C12orf54: variants seen among roughly 807,000 people sequenced by gnomAD.
C12orf54 encodes the protein chromosome 12 open reading frame 54.
C12orf54 carries 24 observed loss-of-function variants against 26.4 expected under a neutral mutation model. That is an observed-to-expected ratio of 0.91 (90% confidence interval 0.66 to 1.28). C12orf54 has a LOEUF of 1.28. Among genes scored for constraint, C12orf54 ranks in the 50% most tolerant of loss-of-function variants. The pLI, the probability that C12orf54 is intolerant of heterozygous loss-of-function variation, is 0.00. For synonymous variants in C12orf54, 54 were observed against 47.0 expected (o/e 1.15, Z -0.61); for missense variants, 154 against 150.9 (o/e 1.02, Z -0.11).
the C12orf54 span, among the ~76,000 whole-genome samples, chr12:48,413,594 G>C: frequency 6.6e-6 from 1 of 152,190 alleles, no homozygotes; most frequent in East Asian, 1.9e-4. Flanking sequence ...TATCAAAGAT[G>C]TTCTTTTCCT....
intron 7 of C12orf54, among the ~76,000 whole-genome samples, chr12:48,493,991 G>A: frequency 6.7e-6 from 1 of 150,140 alleles, no homozygotes; most frequent in East Asian, 2.0e-4. Flanking sequence ...GGCCGAGGCA[G>A]GTGGATCACC....
the C12orf54 span, chr12:48,472,975 G>A: frequency 6.2e-7 from 1 of 1,614,106 alleles, no homozygotes; most frequent in Admixed American, 1.7e-5. Flanking sequence ...AAAGACCTCA[G>A]CACAATAGAG....
chr12:48,453,133 T>C, the C12orf54 span, among the ~76,000 whole-genome samples: 1 of 152,272 alleles, frequency 6.6e-6, no homozygotes, highest in East Asian at 1.9e-4. Flanking sequence ...ATGTGGTACA[T>C]ACATGATGGA....
At chr12:48,462,638 A>G in the C12orf54 span, among the ~76,000 whole-genome samples, 3 of 151,754 alleles carry the variant, frequency 2.0e-5, no homozygotes, top group East Asian at 3.8e-4. Flanking sequence ...AAAAATCTTA[A>G]TATGTACAGA....
At chr12:48,487,746 G>T in intron 4 of C12orf54, 1 of 299,272 alleles carries the variant, frequency 3.3e-6, no homozygotes, top group Non-Finnish European at 6.3e-6. Flanking sequence ...TATACAAATT[G>T]AAACTCCTAA....
At chr12:48,430,383 T>TA in the C12orf54 span, among the ~76,000 whole-genome samples, 1 of 152,060 alleles carries the variant, frequency 6.6e-6, no homozygotes, top group East Asian at 1.9e-4. Context: ...CAGAGTAGGA[T>TA]AAAATCTTCA....
chr12:48,423,185 C>T, the C12orf54 span, among the ~76,000 whole-genome samples: 3 of 151,980 alleles, frequency 2.0e-5, no homozygotes, highest in Admixed American at 6.6e-5. Context: ...ATGTAGACAA[C>T]GTACACTTGT....
intron 4 of C12orf54, chr12:48,488,282 A>C: frequency 1.7e-6 from 1 of 581,938 alleles, no homozygotes; most frequent in East Asian, 3.3e-5. Context: ...AGGATTAGCG[A>C]TCTGGAAGAC....
At chr12:48,463,362 A>G in the C12orf54 span, among the ~76,000 whole-genome samples, 1 of 152,020 alleles carries the variant, frequency 6.6e-6, no homozygotes, top group Admixed American at 6.6e-5. Context: ...CACCCTCCCA[A>G]GACTGAACCA....
the C12orf54 span, among the ~76,000 whole-genome samples, chr12:48,474,854 C>T: frequency 6.6e-6 from 1 of 152,252 alleles, no homozygotes; most frequent in Non-Finnish European, 1.5e-5. Context: ...CAGCAGTAAC[C>T]TCTGCAGACT....
chr12:48,418,938 A>C, the C12orf54 span, among the ~76,000 whole-genome samples: 1 of 152,010 alleles, frequency 6.6e-6, no homozygotes, highest in Non-Finnish European at 1.5e-5. Context: ...AAAAAAAAAA[A>C]AGCCTGAATC....
chr12:48,450,076 G>A, the C12orf54 span, among the ~76,000 whole-genome samples: 216 of 152,126 alleles, frequency 1.4e-3, no homozygotes, highest in African/African-American at 4.8e-3. Context: ...TTTCTTCCCC[G>A]TTTTGGGTAT....
At chr12:48,465,466 G>T in the C12orf54 span, among the ~76,000 whole-genome samples, 1 of 152,154 alleles carries the variant, frequency 6.6e-6, no homozygotes, top group South Asian at 2.1e-4. Flanking sequence ...CTATTGGTGG[G>T]AGTGTAAATT....
At chr12:48,462,416 A>C in the C12orf54 span, among the ~76,000 whole-genome samples, 4 of 151,636 alleles carry the variant, frequency 2.6e-5, no homozygotes, top group African/African-American at 9.7e-5. Flanking sequence ...TATGATGCCA[A>C]AAATCGGACT....
the C12orf54 span, among the ~76,000 whole-genome samples, chr12:48,467,978 G>T: frequency 6.6e-6 from 1 of 151,980 alleles, no homozygotes; most frequent in South Asian, 2.1e-4. Flanking sequence ...TCCCACCCAC[G>T]GGAAATGTCA....
the C12orf54 span, among the ~76,000 whole-genome samples, chr12:48,471,186 G>A: frequency 6.6e-6 from 1 of 151,942 alleles, no homozygotes; most frequent in African/African-American, 2.4e-5. Flanking sequence ...AAATAAGTGA[G>A]AACATGCAAT....
chr12:48,473,674 C>T, the C12orf54 span: 2 of 253,848 alleles, frequency 7.9e-6, no homozygotes, highest in Admixed American at 4.8e-5. Context: ...CCTGTAAATG[C>T]AATAGTTAAG....
the C12orf54 span, among the ~76,000 whole-genome samples, chr12:48,468,251 G>A: frequency 2.6e-5 from 4 of 152,172 alleles, no homozygotes; most frequent in Non-Finnish European, 5.9e-5. Context: ...AGATCTCTCT[G>A]AGGATATGTC....
In C12orf54 at chr12:48,494,822, G is replaced by A; in HGVS notation, c.267G>A (p.Leu89=). 2 of 1,613,928 alleles carry A rather than the reference G, an allele frequency of 1.2e-6. No homozygotes were observed. The highest frequency in any genetic ancestry group is 8.5e-7 in the Non-Finnish European group (1 of 1,179,822). The change falls in exon 8 of 9, where the codon TTG becomes TTA. Residue 89 remains leucine, a synonymous_variant. Coordinates refer to ENST00000548364, the MANE Select transcript of C12orf54 (RefSeq NM_152319.4). The part of the protein sequence containing the change: ...RTGSIRPPDS[L]MTPKLRRLQF... ...GAAGCATAAGGCCTCCAGATTCCTTGATGACCCCAAAGTTGAGAAGATTGC... is the reference window on the plus strand; with the variant it reads ...GAAGCATAAGGCCTCCAGATTCCTTAATGACCCCAAAGTTGAGAAGATTGC...
Sources: allele counts gnomAD v4.1 joint callset (sites outside exome capture counted in the v4.1 genomes callset), GRCh38; gene constraint gnomAD v4.1.1; transcripts MANE v1.5; gene names NCBI Gene and HGNC (gene_info 2026-07-23, HGNC 2026-07-21).